The following PHF10 variants were observed in gnomAD, a reference collection of about 807,000 sequenced individuals.
The protein encoded by PHF10 is PHD finger protein 10.
In PHF10, 51 loss-of-function variants were observed where a neutral mutation model predicts 68.5. The observed-to-expected ratio is 0.74, with a 90% confidence interval of 0.59 to 0.94. PHF10 has a LOEUF of 0.94. Ranked by LOEUF, PHF10 falls within the 40% of genes least tolerant of loss-of-function variation. The pLI is 0.00. For missense variants in PHF10, 460 were observed against 602.6 expected, an observed-to-expected ratio of 0.76 and a Z score of 2.48; for synonymous variants, 204 against 203.5, an observed-to-expected ratio of 1.00 and a Z score of -0.02.
At chr6:169,710,540 T>G (rs913811548) in intron 8 of PHF10, 149 bp from the exon 9 acceptor site, 7 of 658,906 alleles carry the variant, frequency 1.1e-5, no homozygotes, top group Non-Finnish European at 1.8e-5. Flanking sequence ...AGAAAGCTTT[T>G]TCCAGTGGAG....
intron 6 of PHF10, 83 bp downstream of exon 6, chr6:169,715,625 A>G: frequency 8.5e-7 from 1 of 1,179,250 alleles, no homozygotes; most frequent in Non-Finnish European, 1.2e-6. Flanking sequence ...GGTACAAAAA[A>G]TAACGATAAA....
chr6:169,720,922 C>T, intron 2 of PHF10, 83 bp downstream of exon 2: 1 of 692,890 alleles, frequency 1.4e-6, no homozygotes, highest in Non-Finnish European at 2.5e-6. Flanking sequence ...ATTGCCTTTG[C>T]CAGAGCTGGG....
chr6:169,715,498 C>T (rs1370626832), intron 6 of PHF10, among the ~76,000 whole-genome samples: 2 of 151,882 alleles, frequency 1.3e-5, no homozygotes, highest in Admixed American at 6.6e-5. Flanking sequence ...ACCCGGGAGG[C>T]GGAGGTTGCA....
At chr6:169,716,868 A>G (rs1307705510) in intron 4 of PHF10, among the ~76,000 whole-genome samples, 1 of 152,148 alleles carries the variant, frequency 6.6e-6, no homozygotes, top group Non-Finnish European at 1.5e-5. Context: ...ACACGCACAC[A>G]CCATGCACTT....
At chr6:169,708,053 A>G (rs1244766299) in intron 9 of PHF10, 1 of 152,166 alleles carries the variant, frequency 6.6e-6, no homozygotes, top group Non-Finnish European at 1.5e-5. Flanking sequence ...AATGGAGCAC[A>G]CTCCTATGTG....
intron 4 of PHF10, among the ~76,000 whole-genome samples, chr6:169,717,144 C>T (rs966844297): frequency 1.3e-5 from 2 of 151,930 alleles, no homozygotes; most frequent in Non-Finnish European, 2.9e-5. Context: ...ACCAGCTACT[C>T]GGTAGGCTGA....
At chr6:169,721,630 T>A (rs1385093166) in intron 1 of PHF10, among the ~76,000 whole-genome samples, 1 of 152,054 alleles carries the variant, frequency 6.6e-6, no homozygotes, top group Non-Finnish European at 1.5e-5. Flanking sequence ...ATCTATAATA[T>A]AGCAGCACAC....
At chr6:169,715,637 G>C (rs554271248) in intron 6 of PHF10, 71 bp downstream of exon 6, 6 of 1,223,324 alleles carry the variant, frequency 4.9e-6, no homozygotes, top group South Asian at 1.3e-5. Flanking sequence ...AACGATAAAG[G>C]GGGTGATGGG....
chr6:169,715,264 C>T (rs988476653), intron 6 of PHF10, among the ~76,000 whole-genome samples: 2 of 151,974 alleles, frequency 1.3e-5, no homozygotes, highest in African/African-American at 2.4e-5. Context: ...AATTATTAAC[C>T]GTAAAGCAAA....
intron 11 of PHF10, 29 bp from the exon 12 acceptor site, chr6:169,704,117 A>G: frequency 6.5e-7 from 1 of 1,536,044 alleles, no homozygotes. Flanking sequence ...ATATAGAATG[A>G]AAAATTATCT....
chr6:169,706,703 G>C (rs1474043699), intron 9 of PHF10, among the ~76,000 whole-genome samples: 2 of 145,586 alleles, frequency 1.4e-5, no homozygotes, highest in African/African-American at 5.1e-5. Context: ...AATGAAATGG[G>C]GTAAGGGGAC....
chr6:169,713,679 T>A (rs545160442), intron 7 of PHF10, among the ~76,000 whole-genome samples: 1 of 149,656 alleles, frequency 6.7e-6, no homozygotes, highest in South Asian at 2.1e-4. Flanking sequence ...AAAAATCTTT[T>A]TTTATTTAAA....
At position 169,706,727 on chromosome 6, in the gene PHF10, T is replaced by TACATACACACAC. The variant is rs1490874788; in HGVS notation, c.1114-1004_1114-1003insGTGTGTGTATGT. On this transcript the variant is annotated intron_variant, in intron 9 of 11. Transcript: ENST00000339209. ...GGGTAAGGGGACATACATACATACA[T>TACATACACACAC]ACACACACACACACACACACACACA... Among the ~76,000 whole-genome samples the TACATACACACAC allele has an allele frequency of 6.6e-4, 84 of 127,458 alleles. 1 individual carries two copies. The highest frequency in any genetic ancestry group is 1.1e-3 in the Non-Finnish European group (65 of 58,850). The allele number at this position is 127,458 out of a possible 152,430, so 83.6% of individuals were successfully genotyped here.
At position 169,718,775 on chromosome 6, in the gene PHF10, T is replaced by G. The variant is rs749598699; in HGVS notation, c.325+13A>C. ...CTATCAATTATAAATTAATCTATTATATAAACTAGTACCTGGATATTTCCT... is the reference window on the plus strand; with the variant it reads ...CTATCAATTATAAATTAATCTATTAGATAAACTAGTACCTGGATATTTCCT... On this transcript the variant is annotated intron_variant, in intron 3 of 11. Coordinates refer to ENST00000339209, the MANE Select transcript of PHF10 (RefSeq NM_018288.4). 3 of 1,445,204 alleles carry G rather than the reference T, an allele frequency of 2.1e-6. No homozygotes were observed. 89.5% of individuals were successfully genotyped at this position (1,445,204 alleles called of 1,614,324 possible).
chr6:169,721,720 T>C (rs982209624), intron 1 of PHF10, among the ~76,000 whole-genome samples: 6 of 152,164 alleles, frequency 3.9e-5, no homozygotes, highest in Admixed American at 2.0e-4. Flanking sequence ...TAATCCATTA[T>C]GTGGCAAGAA....
At chr6:169,712,047 A>T (rs1467914392) in intron 8 of PHF10, among the ~76,000 whole-genome samples, 1 of 152,240 alleles carries the variant, frequency 6.6e-6, no homozygotes, top group African/African-American at 2.4e-5. Context: ...CTCAACTAAG[A>T]AAACTACATT....
intron 3 of PHF10, among the ~76,000 whole-genome samples, chr6:169,718,157 T>C (rs546347408): frequency 2.6e-4 from 39 of 152,328 alleles, no homozygotes; most frequent in African/African-American, 9.1e-4. Context: ...AACTAGTTCA[T>C]GAGGAATAGC....
rs906315739 is a variant in PHF10 at position 169,723,848 on chromosome 6, C to T, written c.84G>A (p.Pro28=). 2.2e-4 allele frequency: 241 copies of T among 1,072,864 alleles called. No individual in the cohort carries two copies. The highest frequency in any genetic ancestry group is 2.7e-4 in the Non-Finnish European group (233 of 872,848). 66.5% of individuals were successfully genotyped at this position (1,072,864 alleles called of 1,614,324 possible). ...SDPATPGAQS[P]KDDNEDNSND... is the part of the protein sequence containing the mutation. ...GTCGCACCGGCCGCTTCCTCACCTTCGGGGACTGCGCTCCGGGGGTGGCTG... is the reference window on the plus strand; with the variant it reads ...GTCGCACCGGCCGCTTCCTCACCTTTGGGGACTGCGCTCCGGGGGTGGCTG... The change falls in exon 1 of 12, where the codon CCG becomes CCA. Residue 28 remains proline, a synonymous_variant. Transcript: ENST00000339209.
chr6:169,711,209 A>G (rs906064927), intron 8 of PHF10, among the ~76,000 whole-genome samples: 8 of 152,100 alleles, frequency 5.3e-5, no homozygotes, highest in Non-Finnish European at 1.2e-4. Flanking sequence ...TTAAAATACA[A>G]AACTGGATTA....
Sources: allele counts gnomAD v4.1 joint callset (sites outside exome capture counted in the v4.1 genomes callset), GRCh38; gene constraint gnomAD v4.1.1; transcripts MANE v1.5; gene names NCBI Gene and HGNC (gene_info 2026-07-23, HGNC 2026-07-21).